Variants in CARMIL1 observed in about 807,000 individuals in gnomAD.
CARMIL1 encodes capping protein regulator and myosin 1 linker 1.
In CARMIL1, 90 loss-of-function variants were observed where a neutral mutation model predicts 177.1. The ratio of observed to expected loss-of-function variants is 0.51; its 90% CI spans 0.43 to 0.61. CARMIL1 has a LOEUF of 0.61. CARMIL1 is among the 20% of genes least tolerant of loss of function. The pLI is 0.00. For synonymous variants in CARMIL1, 577 were observed against 606.2 expected (o/e 0.95, Z 0.71); for missense variants, 1,380 against 1,667.0 (o/e 0.83, Z 3.00).
chr6:25,470,712 C>T (rs543508194), intron 9 of CARMIL1, among the ~76,000 whole-genome samples: 1 of 152,264 alleles, frequency 6.6e-6, no homozygotes, highest in South Asian at 2.1e-4. Context: ...TTCTTGTTCA[C>T]AGGTGGTGCC....
At chr6:25,563,698 T>G (rs1254808316) in intron 29 of CARMIL1, 1 of 985,352 alleles carries the variant, frequency 1.0e-6, no homozygotes, top group Non-Finnish European at 1.2e-6. Flanking sequence ...GGCTTCTTGC[T>G]AGGAATGGAA....
intron 24 of CARMIL1, among the ~76,000 whole-genome samples, chr6:25,535,121 C>A (rs1808157604): frequency 6.6e-6 from 1 of 152,134 alleles, no homozygotes; most frequent in Non-Finnish European, 1.5e-5. Context: ...GGTATACTTT[C>A]TACAGTAAGG....
chr6:25,533,108 C>G (rs1807932183), intron 24 of CARMIL1, among the ~76,000 whole-genome samples: 1 of 152,132 alleles, frequency 6.6e-6, no homozygotes. Context: ...TCGTTATATT[C>G]TCTTTCCTCT....
intron 29 of CARMIL1, among the ~76,000 whole-genome samples, chr6:25,567,291 A>C (rs890009873): frequency 2.6e-5 from 4 of 152,220 alleles, no homozygotes; most frequent in African/African-American, 9.6e-5. Flanking sequence ...TAGTATCTTT[A>C]TTCCCACGGG....
intron 2 of CARMIL1, among the ~76,000 whole-genome samples, chr6:25,307,905 A>C (rs730711): frequency 0.18 from 26,858 of 152,108 alleles, 3,379 homozygotes; most frequent in East Asian, 0.39. Flanking sequence ...AGATAACCAG[A>C]ATTTTTACCT....
At chr6:25,335,196 G>A (rs1455722721) in intron 2 of CARMIL1, among the ~76,000 whole-genome samples, 1 of 152,152 alleles carries the variant, frequency 6.6e-6, no homozygotes, top group East Asian at 1.9e-4. Context: ...GTTTTAAATT[G>A]CAATTTGTGT....
intron 2 of CARMIL1, among the ~76,000 whole-genome samples, chr6:25,362,501 C>T (rs1789322627): frequency 6.6e-6 from 1 of 152,028 alleles, no homozygotes; most frequent in Admixed American, 6.5e-5. Context: ...ATGGTAAAAC[C>T]CTGTCTCTAC....
At chr6:25,291,650 T>G (rs946156680) in intron 2 of CARMIL1, among the ~76,000 whole-genome samples, 1 of 128,884 alleles carries the variant, frequency 7.8e-6, no homozygotes, top group Non-Finnish European at 1.8e-5. Context: ...TTTAAAACAA[T>G]TTTTTTTTTC....
At chr6:25,516,760 A>G (rs1806044186) in intron 21 of CARMIL1, among the ~76,000 whole-genome samples, 1 of 152,238 alleles carries the variant, frequency 6.6e-6, no homozygotes, top group Non-Finnish European at 1.5e-5. Context: ...TTTTGTGTTT[A>G]AAAAGCAAAC....
chr6:25,587,496 A>G (rs980967453), intron 31 of CARMIL1, among the ~76,000 whole-genome samples: 1 of 152,234 alleles, frequency 6.6e-6, no homozygotes, highest in Non-Finnish European at 1.5e-5. Context: ...AGAAATAAAT[A>G]GGATAAAAAT....
chr6:25,415,431 A>G (rs1248898928), intron 2 of CARMIL1, among the ~76,000 whole-genome samples: 1 of 151,812 alleles, frequency 6.6e-6, no homozygotes. Flanking sequence ...AGAGAAGACA[A>G]GCAGGTCACC....
At chr6:25,555,901 G>C (rs191258039) in intron 28 of CARMIL1, among the ~76,000 whole-genome samples, 4 of 152,104 alleles carry the variant, frequency 2.6e-5, no homozygotes, top group Non-Finnish European at 5.9e-5. Flanking sequence ...AGAAAGTATT[G>C]ATTTTTTTAA....
At chr6:25,545,874 A>C (rs1450129689) in intron 26 of CARMIL1, among the ~76,000 whole-genome samples, 3 of 152,216 alleles carry the variant, frequency 2.0e-5, no homozygotes, top group Non-Finnish European at 2.9e-5. Flanking sequence ...TAGTAACATA[A>C]GAACCTGTAG....
At chr6:25,528,121 A>G (rs1807346217) in intron 23 of CARMIL1, among the ~76,000 whole-genome samples, 1 of 152,184 alleles carries the variant, frequency 6.6e-6, no homozygotes, top group Admixed American at 6.5e-5. Context: ...GTTATCATTT[A>G]TACCTTTGAA....
At chr6:25,483,983 C>A (rs941289552) in intron 12 of CARMIL1, among the ~76,000 whole-genome samples, 4 of 152,118 alleles carry the variant, frequency 2.6e-5, no homozygotes, top group Admixed American at 2.0e-4. Context: ...GTCTCGAACT[C>A]CTGAGCTCAA....
chr6:25,543,991 G>C (rs1809168063), intron 26 of CARMIL1, among the ~76,000 whole-genome samples: 1 of 152,032 alleles, frequency 6.6e-6, no homozygotes, highest in South Asian at 2.1e-4. Context: ...ACTGTCATTA[G>C]AGATACATCA....
chr6:25,619,167 C>T (rs1038786154), intron 36 of CARMIL1, among the ~76,000 whole-genome samples: 4 of 152,186 alleles, frequency 2.6e-5, no homozygotes, highest in East Asian at 1.9e-4. Context: ...ATCCTTTCCT[C>T]GGGGGTCCTA....
intron 36 of CARMIL1, among the ~76,000 whole-genome samples, chr6:25,614,590 G>A (rs565898732): frequency 3.3e-5 from 5 of 152,262 alleles, no homozygotes; most frequent in African/African-American, 1.2e-4. Context: ...CTTTTGTTAA[G>A]CATACCTAAG....
intron 13 of CARMIL1, among the ~76,000 whole-genome samples, chr6:25,491,390 G>A (rs1290390648): frequency 6.6e-6 from 1 of 152,122 alleles, no homozygotes; most frequent in Admixed American, 6.5e-5. Context: ...TTGCAGTTCA[G>A]GTGGTATTTT....
Sources: gnomAD v4.1 joint callset for allele counts (sites outside exome capture counted in the v4.1 genomes callset) on GRCh38, gnomAD v4.1.1 for gene constraint, MANE v1.5 for transcripts, NCBI Gene and HGNC (gene_info 2026-07-23, HGNC 2026-07-21) for gene names.